WDR17: variants seen among roughly 807,000 people sequenced by gnomAD.
WDR17 encodes the protein WD repeat-containing protein 17.
WDR17 carries 143 observed loss-of-function variants against 161.7 expected under a neutral mutation model. That is an observed-to-expected ratio of 0.88 (90% CI 0.77 to 1.02). WDR17 has a LOEUF of 1.02. Among genes scored for constraint, WDR17 ranks in the 50% least tolerant of loss-of-function variants. WDR17 has a pLI of 0.00. For synonymous variants in WDR17, 517 were observed against 515.6 expected, an observed-to-expected ratio of 1.00 and a Z score of -0.04; for missense variants, 1,469 against 1,520.9, an observed-to-expected ratio of 0.97 and a Z score of 0.57.
intron 18 of WDR17, 71 bp downstream of exon 18, chr4:176,156,214 A>G (rs1748107392): frequency 2.8e-6 from 4 of 1,426,730 alleles, no homozygotes; most frequent in Non-Finnish European, 3.9e-6. Flanking sequence ...GTATATAAAT[A>G]TGGCAGTAGC....
chr4:176,068,228 A>T (rs1014745832), intron 1 of WDR17: 29 of 152,206 alleles, frequency 1.9e-4, no homozygotes, highest in Non-Finnish European at 1.3e-4. Flanking sequence ...AGATGGAAAT[A>T]TTAAAGTGAA....
At chr4:176,159,645 T>C (rs1748730863) in intron 18 of WDR17, among the ~76,000 whole-genome samples, 1 of 152,216 alleles carries the variant, frequency 6.6e-6, no homozygotes, top group Non-Finnish European at 1.5e-5. Flanking sequence ...ACCCACATAT[T>C]TGCTTAATCC....
At chr4:176,118,732 A>G (rs759165978) in intron 3 of WDR17, among the ~76,000 whole-genome samples, 2 of 152,112 alleles carry the variant, frequency 1.3e-5, no homozygotes, top group Non-Finnish European at 2.9e-5. Context: ...ACCTTTCTGC[A>G]TATCAAAATC....
intron 1 of WDR17, among the ~76,000 whole-genome samples, chr4:176,095,369 G>A (rs931204040): frequency 2.0e-5 from 3 of 152,114 alleles, no homozygotes; most frequent in African/African-American, 7.2e-5. Flanking sequence ...GGAGCTTGTT[G>A]CAGAAGCAAG....
intron 17 of WDR17, among the ~76,000 whole-genome samples, chr4:176,155,167 A>G (rs1747862376): frequency 6.6e-6 from 1 of 152,168 alleles, no homozygotes; most frequent in South Asian, 2.1e-4. Flanking sequence ...ATATGAGTCA[A>G]CATATTTTTC....
rs140297975 is a variant in WDR17 at position 176,101,885 on chromosome 4, C to T, written c.-6-9690C>T. Among the ~76,000 whole-genome samples the T allele has an allele frequency of 4.8e-3, 737 of 151,976 alleles. 7 individuals are homozygous for T. The highest frequency in any genetic ancestry group is 0.016 in the African/African-American group (676 of 41,430). On this transcript the variant is annotated intron_variant, in intron 1 of 28. Coordinates refer to ENST00000508596, the MANE Select transcript of WDR17 (RefSeq NM_181265.4). ...ATTTTACAAAAATTAACCCAAAATGCGGCATAGAACTACATGTAAAATGCA... is the reference window on the plus strand; with the variant it reads ...ATTTTACAAAAATTAACCCAAAATGTGGCATAGAACTACATGTAAAATGCA...
chr4:176,163,444 C>A, intron 22 of WDR17, 151 bp downstream of exon 22: 1 of 981,878 alleles, frequency 1.0e-6, no homozygotes, highest in Non-Finnish European at 1.4e-6. Flanking sequence ...AATGATATAA[C>A]AATGTCATAA....
intron 1 of WDR17, among the ~76,000 whole-genome samples, chr4:176,073,382 G>T (rs1257129359): frequency 1.3e-5 from 2 of 152,024 alleles, no homozygotes; most frequent in Non-Finnish European, 2.9e-5. Flanking sequence ...GCGATAGTTT[G>T]CTGAGAATGA....
At chr4:176,133,760 T>C (rs1481945703) in intron 7 of WDR17, among the ~76,000 whole-genome samples, 1 of 151,544 alleles carries the variant, frequency 6.6e-6, no homozygotes. Flanking sequence ...ATTATTAATA[T>C]TTTTTAAAAT....
At chr4:176,133,228 C>T (rs1386964727) in intron 7 of WDR17, among the ~76,000 whole-genome samples, 3 of 126,984 alleles carry the variant, frequency 2.4e-5, no homozygotes, top group Admixed American at 8.0e-5. Context: ...CAAGCAAAGT[C>T]CTCTGTGGTT....
chr4:176,152,060 C>A, intron 17 of WDR17, 93 bp downstream of exon 17: 2 of 1,372,426 alleles, frequency 1.5e-6, no homozygotes, highest in South Asian at 1.5e-5. Flanking sequence ...ATAAAAAGCT[C>A]AGCACTTTGG....
At chr4:176,167,630 G>C (rs1440459110) in intron 22 of WDR17, among the ~76,000 whole-genome samples, 1 of 103,462 alleles carries the variant, frequency 9.7e-6, no homozygotes, top group Non-Finnish European at 1.8e-5. Flanking sequence ...CTGGGCGACA[G>C]CGAGACTCCG....
intron 1 of WDR17, among the ~76,000 whole-genome samples, chr4:176,091,160 T>C (rs890530286): frequency 1.3e-5 from 2 of 152,172 alleles, no homozygotes; most frequent in Non-Finnish European, 2.9e-5. Context: ...CTAATAGATA[T>C]TTACAGAACA....
rs992775967 is a variant in WDR17, at chr4:176,150,267, T to A, written c.2178+94T>A. ...ATTCACATATTTACATGTACCATTC[T>A]AATTCATTGGGTAACTCTTACCATA... On this transcript the variant is annotated intron_variant, in intron 15 of 28. Coordinates refer to ENST00000508596, the MANE Select transcript of WDR17 (RefSeq NM_181265.4). 1.4e-5 allele frequency: 22 copies of A among 1,533,936 alleles called. No individual in the cohort carries two copies. The African/African-American group carries it at 2.3e-4, about 16-fold the overall frequency.
intron 3 of WDR17, among the ~76,000 whole-genome samples, chr4:176,119,094 ATCTC>A (rs1010046561): frequency 2.6e-5 from 4 of 152,094 alleles, no homozygotes; most frequent in Non-Finnish European, 5.9e-5. Flanking sequence ...AAGATGTGCA[ATCTC>A]TCTCTCATAA....
In WDR17 at chr4:176,087,854, A is replaced by AT. The variant is rs541565908; in HGVS notation, c.-7+21786dup. On this transcript the variant is annotated intron_variant, in intron 1 of 28. Coordinates refer to ENST00000508596, the MANE Select transcript of WDR17 (RefSeq NM_181265.4). ...ATTTTATTTTTATTTTAATCAATTAATTTTTTTTTTTGAGCCAGAATCTGT... is the reference window on the plus strand; with the variant it reads ...ATTTTATTTTTATTTTAATCAATTAATTTTTTTTTTTTGAGCCAGAATCTGT... Among the ~76,000 whole-genome samples, 173 of 148,300 alleles carry AT rather than the reference A, an allele frequency of 1.2e-3. 1 individual carries two copies. The highest frequency in any genetic ancestry group is 2.8e-3 in the Admixed American group (41 of 14,870).
At chr4:176,130,585 A>C (rs962316697) in intron 6 of WDR17, among the ~76,000 whole-genome samples, 1 of 133,102 alleles carries the variant, frequency 7.5e-6, no homozygotes, top group Non-Finnish European at 1.7e-5. Flanking sequence ...TCTACTAAAA[A>C]TACAAAAAAA....
At chr4:176,162,858 G>A (rs1453959872) in intron 21 of WDR17, among the ~76,000 whole-genome samples, 4 of 151,950 alleles carry the variant, frequency 2.6e-5, no homozygotes, top group Non-Finnish European at 5.9e-5. Context: ...GAGATTGAAG[G>A]ACATATTGAG....
chr4:176,071,581 T>C (rs7683835), intron 1 of WDR17, among the ~76,000 whole-genome samples: 79,450 of 151,950 alleles, frequency 0.52, 22,182 homozygotes, highest in South Asian at 0.63. Flanking sequence ...TCTCAAAGTG[T>C]TGGAATTACA....
Sources: allele counts gnomAD v4.1 joint callset (sites outside exome capture counted in the v4.1 genomes callset), GRCh38; gene constraint gnomAD v4.1.1; transcripts MANE v1.5; gene names NCBI Gene and HGNC (gene_info 2026-07-23, HGNC 2026-07-21).